Variants in MRTFB observed in about 807,000 individuals in gnomAD.
The protein encoded by MRTFB is myocardin-related transcription factor B.
In MRTFB, 29 loss-of-function variants were observed where a neutral mutation model predicts 104.2. The ratio of observed to expected loss-of-function variants is 0.28; its 90% confidence interval spans 0.21 to 0.38. The LOEUF (loss-of-function observed/expected upper bound fraction) is 0.38, where lower values mean the gene tolerates loss of function less well. Among genes scored for constraint, MRTFB ranks in the 10% least tolerant of loss-of-function variants. MRTFB has a pLI of 1.00. For missense variants in MRTFB, 1,270 were observed against 1,341.6 expected, an observed-to-expected ratio of 0.95 and a Z score of 0.83; for synonymous variants, 535 against 519.5, an observed-to-expected ratio of 1.03 and a Z score of -0.41.
chr16:14,070,986 C>T (rs1284327687), upstream of MRTFB, among the ~76,000 whole-genome samples: 2 of 152,212 alleles, frequency 1.3e-5, no homozygotes, highest in African/African-American at 4.8e-5. Flanking sequence ...GCAGCGAGCA[C>T]TCAGGACGGG....
chr16:14,232,657 G>A (rs1027853150), intron 8 of MRTFB, among the ~76,000 whole-genome samples: 2 of 152,222 alleles, frequency 1.3e-5, no homozygotes, highest in Non-Finnish European at 2.9e-5. Context: ...ACAAGGGCAT[G>A]CACGATTAAT....
In MRTFB at chr16:14,263,421, G is replaced by A. The variant is rs2043843169; in HGVS notation, c.*1977G>A. On this transcript the variant is annotated 3_prime_UTR_variant, in exon 17 of 17. Transcript: ENST00000571589. Reference sequence around the variant, plus strand: ...TTCTTGGCCACAGTTTTTTTGCTGAGGGTTTCTGTCTGGGCCTATCAGGTC... The same window carrying A: ...TTCTTGGCCACAGTTTTTTTGCTGAAGGTTTCTGTCTGGGCCTATCAGGTC... The A allele has an allele frequency of 6.6e-6, 1 of 152,174 alleles. No homozygotes were observed. Among genetic ancestry groups the A allele is most frequent in the Non-Finnish European group, 1.5e-5 (1 of 68,024 alleles). 9.4% of individuals were successfully genotyped at this position (152,174 alleles called of 1,614,324 possible). A position where few individuals can be genotyped will look rare whatever the true frequency, so the allele number is the denominator to read the frequency against.
At chr16:14,152,348 TATATC>T (rs1277926828) in intron 3 of MRTFB, 5 of 152,024 alleles carry the variant, frequency 3.3e-5, no homozygotes, top group Admixed American at 1.3e-4. Flanking sequence ...ATGATATACA[TATATC>T]ATATGTTTTA....
chr16:14,130,090 C>T (rs975819336), intron 2 of MRTFB, among the ~76,000 whole-genome samples: 3 of 152,196 alleles, frequency 2.0e-5, no homozygotes, highest in African/African-American at 7.2e-5. Context: ...CTCGGCCTCC[C>T]AAGGTGCTGG....
chr16:14,188,526 T>C (rs754393270), intron 3 of MRTFB, among the ~76,000 whole-genome samples: 2 of 152,104 alleles, frequency 1.3e-5, no homozygotes, highest in East Asian at 3.8e-4. Flanking sequence ...AACCACAAAA[T>C]AGAGTTGTGA....
chr16:14,241,441 T>C lies in MRTFB; in HGVS notation c.1079+957T>C, dbSNP rs1391598918. On this transcript the variant is annotated intron_variant, in intron 10 of 16. Coordinates refer to ENST00000571589, the MANE Select transcript of MRTFB (RefSeq NM_001308142.2). ...AATTTCTGGATATACATTCCCAATA[T>C]GCTTTTTCTGGGAAACAGAGATAAA... is the stretch of plus-strand genomic sequence containing the variant. 2.0e-5 allele frequency: 3 copies of C among 152,256 alleles called. No homozygotes were observed. In the East Asian group the frequency reaches 5.8e-4, roughly 29 times the overall value. The allele number at this position is 152,256 out of a possible 1,614,324, so 9.4% of individuals were successfully genotyped here. A position where few individuals can be genotyped will look rare whatever the true frequency, so the allele number is the denominator to read the frequency against.
At chr16:14,135,318 C>G (rs1286999032) in intron 2 of MRTFB, among the ~76,000 whole-genome samples, 2 of 152,238 alleles carry the variant, frequency 1.3e-5, no homozygotes, top group Non-Finnish European at 2.9e-5. Flanking sequence ...CAATCATGCA[C>G]CACATAACAT....
the MRTFB span, among the ~76,000 whole-genome samples, chr16:14,039,667 A>G: frequency 1.3e-5 from 2 of 150,166 alleles, no homozygotes; most frequent in South Asian, 2.1e-4. Flanking sequence ...CATATAGCAT[A>G]TTATTAGCAT....
At chr16:14,059,755 G>A in the MRTFB span, among the ~76,000 whole-genome samples, 1 of 152,160 alleles carries the variant, frequency 6.6e-6, no homozygotes, top group East Asian at 1.9e-4. Flanking sequence ...CACAGCATGT[G>A]CCTAGAAAGA....
intron 8 of MRTFB, among the ~76,000 whole-genome samples, chr16:14,225,868 T>C (rs2041981413): frequency 6.6e-6 from 1 of 152,210 alleles, no homozygotes; most frequent in East Asian, 1.9e-4. Flanking sequence ...TGTCAGGACG[T>C]GACCACTGGG....
the MRTFB span, among the ~76,000 whole-genome samples, chr16:14,042,833 T>C: frequency 3.9e-5 from 6 of 152,218 alleles, no homozygotes; most frequent in African/African-American, 1.2e-4. Context: ...GGAAGCGGTA[T>C]CCTTGCTAAT....
intron 2 of MRTFB, among the ~76,000 whole-genome samples, chr16:14,110,756 T>C (rs2036230114): frequency 6.6e-6 from 1 of 152,152 alleles, no homozygotes; most frequent in South Asian, 2.1e-4. Context: ...AGACCAGGCT[T>C]TAGTTATATT....
chr16:14,044,799 T>G, the MRTFB span, among the ~76,000 whole-genome samples: 1 of 152,212 alleles, frequency 6.6e-6, no homozygotes, highest in South Asian at 2.1e-4. Context: ...TCGGGATATA[T>G]AGAAGAGAAC....
chr16:14,054,663 G>A, the MRTFB span, among the ~76,000 whole-genome samples: 1 of 151,966 alleles, frequency 6.6e-6, no homozygotes, highest in Non-Finnish European at 1.5e-5. Flanking sequence ...ATTTTCTCCC[G>A]CTAGCTAGTA....
chr16:14,220,339 T>C (rs1378999683), intron 8 of MRTFB, among the ~76,000 whole-genome samples: 1 of 152,196 alleles, frequency 6.6e-6, no homozygotes, highest in African/African-American at 2.4e-5. Flanking sequence ...TGCTACTGTT[T>C]TGAGTAGGTT....
chr16:14,189,502 G>A lies in MRTFB; in HGVS notation c.155-20741G>A, dbSNP rs977881418. Among the ~76,000 whole-genome samples, 9 of 152,276 alleles carry A rather than the reference G, an allele frequency of 5.9e-5. No individual in the cohort carries two copies. The South Asian group carries it at 1.7e-3, about 28-fold the overall frequency. Reference sequence around the variant, plus strand: ...CCTGGAGTCTAATTAGATTTGTGCTGTTTTGTCAAAAGAGACAAATATATA... The same window carrying A: ...CCTGGAGTCTAATTAGATTTGTGCTATTTTGTCAAAAGAGACAAATATATA... On this transcript the variant is annotated intron_variant, in intron 3 of 16. Coordinates refer to ENST00000571589, the MANE Select transcript of MRTFB (RefSeq NM_001308142.2).
intron 3 of MRTFB, chr16:14,195,382 G>T: frequency 6.1e-6 from 2 of 328,890 alleles, no homozygotes; most frequent in African/African-American, 4.5e-5. Context: ...AGTTATGGCA[G>T]TTCTTAGTTT....
intron 9 of MRTFB, among the ~76,000 whole-genome samples, chr16:14,236,700 G>A (rs1227110072): frequency 6.6e-6 from 1 of 152,178 alleles, no homozygotes; most frequent in Non-Finnish European, 1.5e-5. Flanking sequence ...CAACAGCAAT[G>A]GCCGAGGCAG....
the MRTFB span, chr16:14,020,381 C>T: frequency 4.6e-5 from 7 of 152,082 alleles, no homozygotes; most frequent in South Asian, 2.1e-4. Flanking sequence ...GCTAACTGTC[C>T]ATGGTGTTTC....
Sources: gnomAD v4.1 joint callset for allele counts (sites outside exome capture counted in the v4.1 genomes callset) on GRCh38, gnomAD v4.1.1 for gene constraint, MANE v1.5 for transcripts, NCBI Gene and HGNC (gene_info 2026-07-23, HGNC 2026-07-21) for gene names.